Variants in MALRD1 observed in about 807,000 individuals in gnomAD.
The protein encoded by MALRD1 is MAM and LDL receptor class A domain containing 1, also known as MAM and LDL-receptor class A domain-containing protein 1.
MALRD1 carries 247 observed loss-of-function variants against 242.1 expected under a neutral mutation model. The observed-to-expected ratio is 1.02, with a 90% CI of 0.92 to 1.13. The LOEUF is 1.13. Among genes scored for constraint, MALRD1 ranks in the 50% most tolerant of loss-of-function variants. The pLI is 0.00. For synonymous variants in MALRD1, 995 were observed against 866.6 expected, an observed-to-expected ratio of 1.15 and a Z score of -2.60; for missense variants, 2,989 against 2,533.1, an observed-to-expected ratio of 1.18 and a Z score of -3.86.
intron 36 of MALRD1, among the ~76,000 whole-genome samples, chr10:19,667,697 C>G (rs527497899): frequency 6.6e-6 from 1 of 151,998 alleles, no homozygotes; most frequent in African/African-American, 2.4e-5. Context: ...TTGAAAGCTC[C>G]CTGAGGCTTC....
intron 18 of MALRD1, among the ~76,000 whole-genome samples, chr10:19,222,133 C>T (rs1837582444): frequency 6.6e-6 from 1 of 151,840 alleles, no homozygotes; most frequent in Non-Finnish European, 1.5e-5. Flanking sequence ...CCTTCCCTTC[C>T]TCTCTCCTTG....
chr10:19,527,672 T>G (rs551066675), intron 31 of MALRD1, among the ~76,000 whole-genome samples: 1 of 152,304 alleles, frequency 6.6e-6, no homozygotes, highest in African/African-American at 2.4e-5. Context: ...TACAAACATA[T>G]TAGTTATTTA....
intron 5 of MALRD1, among the ~76,000 whole-genome samples, chr10:19,115,003 C>T (rs1450334906): frequency 2.0e-5 from 3 of 152,144 alleles, no homozygotes; most frequent in African/African-American, 4.8e-5. Context: ...TCTATAAAGG[C>T]TGTATTTCCA....
chr10:19,600,016 C>A (rs919537533), intron 34 of MALRD1, among the ~76,000 whole-genome samples: 2 of 152,074 alleles, frequency 1.3e-5, no homozygotes, highest in East Asian at 3.9e-4. Context: ...TGGAAACTAT[C>A]CATCAGTGAC....
chr10:19,373,120 A>G (rs964808587), intron 26 of MALRD1, among the ~76,000 whole-genome samples: 1 of 149,674 alleles, frequency 6.7e-6, no homozygotes, highest in African/African-American at 2.5e-5. Context: ...ATGAAATTTC[A>G]GTAGACAAAG....
At chr10:19,055,404 A>G (rs1834632976) in intron 1 of MALRD1, among the ~76,000 whole-genome samples, 1 of 152,014 alleles carries the variant, frequency 6.6e-6, no homozygotes, top group Non-Finnish European at 1.5e-5. Context: ...TTTTAGTTTG[A>G]TGCGGTCCTA....
At chr10:19,487,840 A>G (rs1482409142) in intron 29 of MALRD1, among the ~76,000 whole-genome samples, 1 of 152,124 alleles carries the variant, frequency 6.6e-6, no homozygotes, top group Admixed American at 6.5e-5. Flanking sequence ...CAGTCTTCAT[A>G]TTTGTATATA....
At chr10:19,639,410 G>A (rs1840287512) in intron 36 of MALRD1, among the ~76,000 whole-genome samples, 1 of 152,120 alleles carries the variant, frequency 6.6e-6, no homozygotes, top group African/African-American at 2.4e-5. Context: ...ATAATTCTCT[G>A]CCTACCACAC....
At chr10:19,392,811 G>A (rs923719088) in intron 28 of MALRD1, among the ~76,000 whole-genome samples, 4 of 152,128 alleles carry the variant, frequency 2.6e-5, no homozygotes, top group African/African-American at 9.7e-5. Context: ...AAAGTTTTTT[G>A]AACGAATAAC....
At chr10:19,321,386 G>A (rs997925319) in intron 21 of MALRD1, among the ~76,000 whole-genome samples, 2 of 152,044 alleles carry the variant, frequency 1.3e-5, no homozygotes, top group Non-Finnish European at 2.9e-5. Flanking sequence ...AGGATGATGG[G>A]AATCATCTCT....
chr10:19,204,852 T>C (rs1236652427), intron 16 of MALRD1, 46 bp from the exon 17 acceptor site: 2 of 1,479,078 alleles, frequency 1.4e-6, no homozygotes, highest in Admixed American at 2.4e-5. Context: ...AAATATGTAG[T>C]CTATTCTATA....
intron 31 of MALRD1, among the ~76,000 whole-genome samples, chr10:19,527,213 G>A (rs918696609): frequency 6.6e-6 from 1 of 152,166 alleles, no homozygotes; most frequent in African/African-American, 2.4e-5. Flanking sequence ...CTCTAAAGAT[G>A]TTGTGACTTG....
chr10:19,680,889 C>T (rs1342751766), intron 36 of MALRD1, among the ~76,000 whole-genome samples: 1 of 152,072 alleles, frequency 6.6e-6, no homozygotes, highest in Admixed American at 6.6e-5. Flanking sequence ...TAATATTTCT[C>T]TTTTGCTTAT....
intron 26 of MALRD1, among the ~76,000 whole-genome samples, chr10:19,372,261 A>T (rs1283171222): frequency 6.6e-6 from 1 of 152,134 alleles, no homozygotes; most frequent in African/African-American, 2.4e-5. Flanking sequence ...TTGAGGGGAG[A>T]ATACATCTTG....
chr10:19,297,532 T>G (rs1841763660), intron 21 of MALRD1, among the ~76,000 whole-genome samples: 1 of 151,930 alleles, frequency 6.6e-6, no homozygotes, highest in African/African-American at 2.4e-5. Context: ...TCTTTATATA[T>G]ATAGTTACAC....
chr10:19,195,229 A>G (rs757496070), intron 14 of MALRD1, among the ~76,000 whole-genome samples: 35 of 152,202 alleles, frequency 2.3e-4, no homozygotes, highest in African/African-American at 7.7e-4. Context: ...TACTAAAAGC[A>G]ATATTTGCAG....
Position 19,067,948 on chromosome 10 carries a change from A to G in MALRD1, c.340+1089A>G, listed in dbSNP as rs554456227. ...TTGTTTAGAATTCTTAACCATTTTT[A>G]GGAATCAGCCAGTTTTATTACCAAA... On this transcript the variant is annotated intron_variant, in intron 2 of 39. Transcript: ENST00000454679. 2.0e-5 allele frequency among the ~76,000 whole-genome samples: 3 copies of G among 152,238 alleles called. No homozygotes were observed. In the East Asian group the frequency reaches 5.8e-4, roughly 29 times the overall value.
intron 5 of MALRD1, among the ~76,000 whole-genome samples, chr10:19,121,317 G>A (rs1311982251): frequency 1.3e-5 from 2 of 152,130 alleles, no homozygotes; most frequent in Non-Finnish European, 2.9e-5. Flanking sequence ...TGGGATTACA[G>A]TTGTGAGCCA....
chr10:19,149,438 T>C (rs533569814), intron 11 of MALRD1, among the ~76,000 whole-genome samples: 9 of 152,242 alleles, frequency 5.9e-5, no homozygotes, highest in African/African-American at 2.2e-4. Flanking sequence ...CTATTCCTAC[T>C]CTGTTAAATT....
Sources: gnomAD v4.1 joint callset for allele counts (sites outside exome capture counted in the v4.1 genomes callset) on GRCh38, gnomAD v4.1.1 for gene constraint, MANE v1.5 for transcripts, NCBI Gene and HGNC (gene_info 2026-07-23, HGNC 2026-07-21) for gene names.